DPP6: variants seen among roughly 807,000 people sequenced by gnomAD.
DPP6 encodes A-type potassium channel modulatory protein DPP6.
A neutral mutation model predicts 122.6 loss-of-function variants in DPP6; 69 were observed. The observed-to-expected ratio is 0.56, with a 90% CI of 0.46 to 0.69. The LOEUF (loss-of-function observed/expected upper bound fraction) is 0.69. DPP6 is among the 30% of genes least tolerant of loss of function. DPP6 has a pLI of 0.00. For synonymous variants in DPP6, 418 were observed against 433.1 expected, an observed-to-expected ratio of 0.97 and a Z score of 0.43; for missense variants, 928 against 1,116.9, an observed-to-expected ratio of 0.83 and a Z score of 2.41.
intron 6 of DPP6, among the ~76,000 whole-genome samples, chr7:154,641,123 A>G (rs1171132210): frequency 6.6e-6 from 1 of 152,132 alleles, no homozygotes; most frequent in African/African-American, 2.4e-5. Context: ...CCCCGCTGTT[A>G]GCTTCCTTCC....
chr7:154,352,526 G>A (rs1810952412), intron 1 of DPP6, among the ~76,000 whole-genome samples: 1 of 151,866 alleles, frequency 6.6e-6, no homozygotes, highest in African/African-American at 2.4e-5. Context: ...AAAAATGCAG[G>A]GACATGGATG....
upstream of DPP6, chr7:153,887,021 G>T (rs1017724374): frequency 2.0e-5 from 3 of 152,580 alleles, no homozygotes; most frequent in Non-Finnish European, 2.9e-5. Flanking sequence ...GGTGTCTGGG[G>T]AGGGGCTGCC....
chr7:154,047,095 C>G (rs1800056386), intron 1 of DPP6, among the ~76,000 whole-genome samples: 1 of 151,278 alleles, frequency 6.6e-6, no homozygotes, highest in Admixed American at 6.6e-5. Context: ...CTGAGAATGC[C>G]TCTGGGCTGA....
At chr7:154,305,335 T>TTGGCCCCC in intron 1 of DPP6, 12 of 1,024,718 alleles carry the variant, frequency 1.2e-5, no homozygotes, top group Non-Finnish European at 1.3e-5. Flanking sequence ...TCGTCTTGTC[T>TTGGCCCCC]ACCCACCCTC....
intron 1 of DPP6, among the ~76,000 whole-genome samples, chr7:154,344,317 C>A (rs1810203724): frequency 7.2e-5 from 11 of 152,152 alleles, no homozygotes. Flanking sequence ...TGAAAAGGTG[C>A]TAAACATCAT....
At chr7:154,098,301 T>C (rs1230858894) in intron 1 of DPP6, among the ~76,000 whole-genome samples, 1 of 152,212 alleles carries the variant, frequency 6.6e-6, no homozygotes, top group African/African-American at 2.4e-5. Flanking sequence ...GCCATGATTG[T>C]AAGTTTCCTG....
intron 1 of DPP6, among the ~76,000 whole-genome samples, chr7:154,320,491 T>A (rs1807851697): frequency 6.6e-6 from 1 of 151,674 alleles, no homozygotes. Flanking sequence ...TTTTTTGTTG[T>A]TGTTTTTCTT....
At chr7:154,882,634 G>A (rs1184661160) in intron 21 of DPP6, among the ~76,000 whole-genome samples, 1 of 152,130 alleles carries the variant, frequency 6.6e-6, no homozygotes, top group East Asian at 1.9e-4. Flanking sequence ...AGAGCAAGGG[G>A]GCACCTGTGC....
the DPP6 span, among the ~76,000 whole-genome samples, chr7:153,864,094 A>G: frequency 6.6e-6 from 1 of 152,186 alleles, no homozygotes; most frequent in Non-Finnish European, 1.5e-5. Context: ...TCTTGGGTAT[A>G]TACTCAGGAT....
chr7:154,167,256 G>T (rs1455487415), intron 1 of DPP6, among the ~76,000 whole-genome samples: 2 of 152,164 alleles, frequency 1.3e-5, no homozygotes, highest in Non-Finnish European at 2.9e-5. Context: ...GAGAGGGTGG[G>T]TAGGCAAATA....
intron 10 of DPP6, among the ~76,000 whole-genome samples, 191 bp downstream of exon 10, chr7:154,773,133 C>CTAT (rs1300757424): frequency 2.6e-5 from 4 of 152,152 alleles, no homozygotes; most frequent in African/African-American, 7.2e-5. Context: ...TCACCAAGTA[C>CTAT]TATTATTTTT....
intron 1 of DPP6, among the ~76,000 whole-genome samples, chr7:154,244,722 T>C (rs1801860498): frequency 6.6e-6 from 1 of 151,986 alleles, no homozygotes; most frequent in African/African-American, 2.4e-5. Flanking sequence ...AAAAACCTAA[T>C]AAGGGAATTG....
At chr7:154,435,440 C>A (rs746448264) in intron 1 of DPP6, among the ~76,000 whole-genome samples, 1 of 152,304 alleles carries the variant, frequency 6.6e-6, no homozygotes, top group Admixed American at 6.5e-5. Context: ...TGGAACCATG[C>A]AGAGTCCTGC....
intron 1 of DPP6, among the ~76,000 whole-genome samples, chr7:154,443,837 C>A (rs1474052308): frequency 6.6e-6 from 1 of 152,162 alleles, no homozygotes; most frequent in East Asian, 1.9e-4. Context: ...CATGTGGTAA[C>A]GGAATAGGGA....
At chr7:154,028,859 G>C (rs1799079964) in intron 1 of DPP6, among the ~76,000 whole-genome samples, 1 of 152,044 alleles carries the variant, frequency 6.6e-6, no homozygotes. Context: ...CCCGCAGCCA[G>C]AGGAAACCAC....
the DPP6 span, among the ~76,000 whole-genome samples, chr7:153,797,017 G>T: frequency 3.3e-5 from 5 of 152,162 alleles, no homozygotes; most frequent in East Asian, 7.7e-4. Flanking sequence ...GTTGCAAGCT[G>T]CCCTGTGGAG....
At chr7:153,927,682 T>C (rs1800965082) in intron 1 of DPP6, among the ~76,000 whole-genome samples, 1 of 152,164 alleles carries the variant, frequency 6.6e-6, no homozygotes, top group South Asian at 2.1e-4. Flanking sequence ...ATGGAGAAGA[T>C]AGAAAAGGTG....
At chr7:154,409,074 G>T (rs186639957) in intron 1 of DPP6, among the ~76,000 whole-genome samples, 1 of 152,280 alleles carries the variant, frequency 6.6e-6, no homozygotes, top group Non-Finnish European at 1.5e-5. Context: ...AGCCTGGGAG[G>T]GGGAGGTTGT....
At chr7:154,271,306 G>A (rs1005937121) in intron 1 of DPP6, among the ~76,000 whole-genome samples, 4 of 152,066 alleles carry the variant, frequency 2.6e-5, no homozygotes, top group Non-Finnish European at 5.9e-5. Flanking sequence ...ACTCAGAGGG[G>A]ACAAAAATGA....
Sources: allele counts gnomAD v4.1 joint callset (sites outside exome capture counted in the v4.1 genomes callset), GRCh38; gene constraint gnomAD v4.1.1; transcripts MANE v1.5; gene names NCBI Gene and HGNC (gene_info 2026-07-23, HGNC 2026-07-21).